Variants in HTR4 observed in about 807,000 individuals in gnomAD.
HTR4 encodes the protein 5-hydroxytryptamine (serotonin) receptor 4, G protein-coupled.
HTR4 carries 16 observed loss-of-function variants against 36.8 expected under a neutral mutation model. The observed-to-expected ratio is 0.43, with a 90% CI of 0.29 to 0.66. HTR4 has a LOEUF of 0.66. HTR4 is among the 30% of genes least tolerant of loss of function. HTR4 has a pLI of 0.13. For synonymous variants in HTR4, 189 were observed against 185.1 expected (o/e 1.02, Z -0.17); for missense variants, 438 against 490.9 (o/e 0.89, Z 1.02).
intron 2 of HTR4, among the ~76,000 whole-genome samples, chr5:148,595,443 C>A (rs1431690508): frequency 6.6e-6 from 1 of 152,096 alleles, no homozygotes; most frequent in Non-Finnish European, 1.5e-5. Context: ...ATGTCATCTG[C>A]TTCATCCCAT....
intron 4 of HTR4, among the ~76,000 whole-genome samples, chr5:148,529,960 T>C (rs1320534310): frequency 6.6e-6 from 1 of 152,212 alleles, no homozygotes; most frequent in Non-Finnish European, 1.5e-5. Flanking sequence ...TGTGGAACTT[T>C]CAACTGGAGA....
chr5:148,476,164 C>T (rs1755688376), downstream of HTR4, among the ~76,000 whole-genome samples: 1 of 152,206 alleles, frequency 6.6e-6, no homozygotes, highest in African/African-American at 2.4e-5. Context: ...ATAACTCTCA[C>T]TGGGTCCATT....
chr5:148,561,622 A>T (rs1261962009), intron 2 of HTR4, among the ~76,000 whole-genome samples: 2 of 149,698 alleles, frequency 1.3e-5, no homozygotes, highest in East Asian at 3.9e-4. Context: ...TTGTGTTGAA[A>T]ACATTTTTTT....
At chr5:148,649,742 A>G (rs915469608) in intron 1 of HTR4, among the ~76,000 whole-genome samples, 2 of 152,210 alleles carry the variant, frequency 1.3e-5, no homozygotes, top group Non-Finnish European at 2.9e-5. Context: ...AAGAATGTCA[A>G]TTCATCCCTA....
intron 2 of HTR4, among the ~76,000 whole-genome samples, chr5:148,600,661 T>G (rs1367650135): frequency 1.3e-5 from 2 of 151,758 alleles, no homozygotes; most frequent in East Asian, 1.9e-4. Flanking sequence ...AGAAATAAAT[T>G]TAACCAGTGA....
chr5:148,519,262 G>A (rs17108366), intron 5 of HTR4, among the ~76,000 whole-genome samples: 1 of 151,936 alleles, frequency 6.6e-6, no homozygotes, highest in Non-Finnish European at 1.5e-5. Flanking sequence ...GAGAAAGCAG[G>A]GTCTAGGTTT....
chr5:148,456,443 A>C (rs746949685), intron 5 of HTR4, among the ~76,000 whole-genome samples: 3 of 152,206 alleles, frequency 2.0e-5, no homozygotes, highest in Non-Finnish European at 4.4e-5. Flanking sequence ...GGATCTAAAC[A>C]TCCTCAATTT....
At chr5:148,597,126 G>A (rs1374448994) in intron 2 of HTR4, among the ~76,000 whole-genome samples, 1 of 152,128 alleles carries the variant, frequency 6.6e-6, no homozygotes, top group Admixed American at 6.6e-5. Flanking sequence ...TCATATAGAA[G>A]TAATCTCCTA....
chr5:148,579,823 T>A (rs1036696291), intron 2 of HTR4, among the ~76,000 whole-genome samples: 25 of 152,038 alleles, frequency 1.6e-4, no homozygotes, highest in African/African-American at 5.8e-4. Context: ...TTTTCCCACA[T>A]ATCAAATCAC....
intron 5 of HTR4, among the ~76,000 whole-genome samples, chr5:148,458,409 T>C (rs954223861): frequency 6.6e-6 from 1 of 152,140 alleles, no homozygotes; most frequent in East Asian, 1.9e-4. Context: ...CTTGGACATA[T>C]CAGAGTGGAG....
At chr5:148,515,334 T>C (rs1261063373) in intron 5 of HTR4, among the ~76,000 whole-genome samples, 3 of 152,164 alleles carry the variant, frequency 2.0e-5, no homozygotes, top group East Asian at 3.8e-4. Context: ...TAATCCTACA[T>C]ATATTTGAAA....
intron 2 of HTR4, among the ~76,000 whole-genome samples, chr5:148,552,323 A>T (rs896829303): frequency 6.6e-6 from 1 of 152,254 alleles, no homozygotes; most frequent in Non-Finnish European, 1.5e-5. Context: ...AGTTCTAACT[A>T]TCAACAGTAC....
chr5:148,497,907 C>G (rs113518242), intron 6 of HTR4, among the ~76,000 whole-genome samples: 14 of 152,290 alleles, frequency 9.2e-5, no homozygotes, highest in African/African-American at 3.4e-4. Context: ...ACTATGTAAC[C>G]TATATGTCTA....
chr5:148,562,289 C>A (rs961791577), intron 2 of HTR4, among the ~76,000 whole-genome samples: 1 of 152,240 alleles, frequency 6.6e-6, no homozygotes, highest in East Asian at 1.9e-4. Context: ...AGTGTCATGA[C>A]CCCTGCTCTT....
chr5:148,458,882 G>A (rs147217443), intron 5 of HTR4, among the ~76,000 whole-genome samples: 15 of 152,352 alleles, frequency 9.8e-5, no homozygotes, highest in Non-Finnish European at 1.9e-4. Context: ...TGGCTGTGGT[G>A]TGTTGAATGG....
At chr5:148,580,836 C>T (rs139800877) in intron 2 of HTR4, among the ~76,000 whole-genome samples, 217 of 152,108 alleles carry the variant, frequency 1.4e-3, no homozygotes, top group African/African-American at 4.9e-3. Flanking sequence ...CATGGGAGTG[C>T]GGATATCTCT....
At chr5:148,568,809 C>A (rs1760558614) in intron 2 of HTR4, among the ~76,000 whole-genome samples, 1 of 152,060 alleles carries the variant, frequency 6.6e-6, no homozygotes, top group Non-Finnish European at 1.5e-5. Flanking sequence ...TAGGGAAATG[C>A]CCCAACACTT....
At position 148,483,230 on chromosome 5, in the gene HTR4, CA is replaced by C. The variant is rs773954140; in HGVS notation, c.1139del (p.Leu380TrpfsTer15). ...AAGTGTCACTGGGCTGAGCAGCCAC[CA>C]AAGGAGAAGTTGCTGGCGGGTGACA... ...SQCHPPATSP[L>X]VAAQPSDT On this transcript the variant is annotated frameshift_variant, in exon 7 of 7. Transcript: ENST00000377888. LOFTEE classifies it high-confidence loss of function. 14 of 1,613,942 alleles carry C rather than the reference CA, an allele frequency of 8.7e-6. No homozygotes were observed. The highest frequency in any genetic ancestry group is 1.2e-5 in the Non-Finnish European group (14 of 1,179,962).
intron 2 of HTR4, among the ~76,000 whole-genome samples, chr5:148,609,512 A>G (rs886754448): frequency 2.0e-5 from 3 of 151,918 alleles, no homozygotes; most frequent in African/African-American, 7.3e-5. Context: ...GGTGATGTGG[A>G]TTTATTGAGA....
Sources: allele counts gnomAD v4.1 joint callset (sites outside exome capture counted in the v4.1 genomes callset), GRCh38; gene constraint gnomAD v4.1.1; transcripts MANE v1.5; gene names NCBI Gene and HGNC (gene_info 2026-07-23, HGNC 2026-07-21).